PCP4: variants seen among roughly 807,000 people sequenced by gnomAD.
PCP4 encodes calmodulin regulator protein PCP4.
Under a neutral mutation model 10.0 loss-of-function variants are expected in PCP4, and 8 were observed. That is an observed-to-expected ratio of 0.80 (90% confidence interval 0.47 to 1.45). The LOEUF is 1.45. PCP4 is among the 40% of genes most tolerant of loss of function. The pLI is 0.00. For missense variants in PCP4, 54 were observed against 74.4 expected (o/e 0.73, Z 1.01); for synonymous variants, 21 against 23.0 (o/e 0.91, Z 0.24).
intron 1 of PCP4, among the ~76,000 whole-genome samples, chr21:39,887,725 GT>G (rs2087407385): frequency 6.6e-6 from 1 of 152,150 alleles, no homozygotes; most frequent in South Asian, 2.1e-4. Flanking sequence ...TTGCTTCTCT[GT>G]TCATTCAAAG....
chr21:39,926,979 C>T (rs1182920075), intron 2 of PCP4, among the ~76,000 whole-genome samples: 1 of 152,208 alleles, frequency 6.6e-6, no homozygotes, highest in Non-Finnish European at 1.5e-5. Flanking sequence ...GTGCACTCAA[C>T]ATCTCTGCTT....
chr21:39,908,323 C>T (rs1286138690), intron 2 of PCP4, among the ~76,000 whole-genome samples: 1 of 152,122 alleles, frequency 6.6e-6, no homozygotes, highest in Non-Finnish European at 1.5e-5. Flanking sequence ...CATCCCTCCT[C>T]AGGTGTCATT....
At chr21:39,905,313 C>A (rs148552632) in intron 2 of PCP4, among the ~76,000 whole-genome samples, 1 of 152,046 alleles carries the variant, frequency 6.6e-6, no homozygotes, top group Middle Eastern at 3.4e-3. Context: ...TTTGTGCTTT[C>A]GGCTCCAAAC....
chr21:39,873,416 AAAAT>A (rs2087329910), intron 1 of PCP4, among the ~76,000 whole-genome samples: 3 of 152,198 alleles, frequency 2.0e-5, no homozygotes, highest in Non-Finnish European at 4.4e-5. Flanking sequence ...AATATTAATT[AAAAT>A]AAATAATTGA....
intron 2 of PCP4, among the ~76,000 whole-genome samples, chr21:39,907,502 AG>A (rs1673239619): frequency 6.6e-6 from 1 of 152,308 alleles, no homozygotes; most frequent in East Asian, 1.9e-4. Flanking sequence ...AGAGACTAGT[AG>A]GTTGCTAGAA....
chr21:39,916,995 T>C (rs907847066), intron 2 of PCP4, among the ~76,000 whole-genome samples: 2 of 152,158 alleles, frequency 1.3e-5, no homozygotes, highest in African/African-American at 2.4e-5. Flanking sequence ...GCTTAATACC[T>C]AGGCGATGGG....
intron 1 of PCP4, among the ~76,000 whole-genome samples, chr21:39,897,243 C>A (rs975076920): frequency 3.9e-5 from 6 of 151,922 alleles, no homozygotes; most frequent in African/African-American, 1.5e-4. Context: ...CAAAAATTAG[C>A]CGGGGGTGGT....
At chr21:39,898,300 C>T (rs1199628681) in intron 1 of PCP4, 176 bp from the exon 2 acceptor site, 15 of 709,518 alleles carry the variant, frequency 2.1e-5, no homozygotes, top group Non-Finnish European at 3.8e-5. Flanking sequence ...AGCTTCAGTA[C>T]ATCCTTTCTT....
At position 39,898,480 on chromosome 21, in the gene PCP4, A is replaced by G; in HGVS notation, c.14A>G (p.Gln5Arg). 2.5e-6 allele frequency: 4 copies of G among 1,613,820 alleles called. No homozygotes were observed. Among genetic ancestry groups the G allele is most frequent in the Non-Finnish European group, 3.4e-6 (4 of 1,179,732 alleles). ...TCTTTTATTTTTTGCCTTTAGCGAC[A>G]AGGTGCTGGGGCAACCAATGGAAAA... MSER[Q>R]GAGATNGKDK... The change falls in exon 2 of 3, where the codon CAA (glutamine) becomes CGA (arginine). Residue 5 changes from glutamine to arginine, a missense_variant. Coordinates refer to ENST00000328619, the MANE Select transcript of PCP4 (RefSeq NM_006198.3).
rs1384559700 is a variant in PCP4 at position 39,906,222 on chromosome 21, CTATT to C, written c.61+7698_61+7701del. Among the ~76,000 whole-genome samples the C allele has an allele frequency of 2.0e-5, 3 of 152,246 alleles. No homozygotes were observed. Among genetic ancestry groups the C allele is most frequent in the African/African-American group, 4.8e-5 (2 of 41,464 alleles). On this transcript the variant is annotated intron_variant, in intron 2 of 2. Transcript: ENST00000328619. This position sits in a 1 kb window ranked among gnomAD's most constrained non-coding sequence, Gnocchi z 6.3. ...ACAGTCCAAACACACCAGGTTGTCT[CTATT>C]TACACTTTCTCCTGACTTCCCTCTT...
In PCP4 at chr21:39,900,781, C is replaced by T. The variant is rs76499842; in HGVS notation, c.61+2254C>T. On this transcript the variant is annotated intron_variant, in intron 2 of 2. Coordinates refer to ENST00000328619, the MANE Select transcript of PCP4 (RefSeq NM_006198.3). ...CTCCCAGATTCCTTAGCTCGGAACT[C>T]GACTCCAAGCACACATTCTTCTTAG... Among the ~76,000 whole-genome samples, 169 of 152,120 alleles carry T rather than the reference C, an allele frequency of 1.1e-3. 2 individuals carry two copies. Among genetic ancestry groups the T allele is most frequent in the African/African-American group, 3.8e-3 (159 of 41,502 alleles).
intron 2 of PCP4, among the ~76,000 whole-genome samples, chr21:39,908,515 G>T (rs1189378240): frequency 2.0e-5 from 3 of 152,196 alleles, no homozygotes; most frequent in Non-Finnish European, 2.9e-5. Flanking sequence ...GTAAGCTGGG[G>T]TTTGTCAGAC....
At chr21:39,908,704 G>A (rs959039954) in intron 2 of PCP4, among the ~76,000 whole-genome samples, 1 of 152,040 alleles carries the variant, frequency 6.6e-6, no homozygotes, top group African/African-American at 2.4e-5. Context: ...GGGAGTGCCC[G>A]CGGCTCCAGG....
At chr21:39,889,972 G>C (rs895231653) in intron 1 of PCP4, among the ~76,000 whole-genome samples, 2 of 152,144 alleles carry the variant, frequency 1.3e-5, no homozygotes. Context: ...CTCGTGTTCT[G>C]GGTTATGATA....
intron 2 of PCP4, among the ~76,000 whole-genome samples, chr21:39,917,180 C>T (rs541734715): frequency 7.9e-5 from 12 of 152,320 alleles, no homozygotes; most frequent in East Asian, 1.9e-4. Context: ...AGATATTTAG[C>T]GACACGATAG....
rs532015774 is a variant in PCP4, at chr21:39,877,507, C to T, written c.9+9997C>T. ...TTAGAGACCAGCCTGGGCAACATGG[C>T]GAAACCCCGTCTCTACCAAAAATTA... On this transcript the variant is annotated intron_variant, in intron 1 of 2. Coordinates refer to ENST00000328619, the MANE Select transcript of PCP4 (RefSeq NM_006198.3). Among the ~76,000 whole-genome samples the T allele has an allele frequency of 8.9e-4, 134 of 150,206 alleles. 1 individual carries two copies. Among genetic ancestry groups the T allele is most frequent in the African/African-American group, 3.0e-3 (122 of 40,660 alleles).
At chr21:39,870,307 A>G (rs934378219) in intron 1 of PCP4, among the ~76,000 whole-genome samples, 1 of 152,210 alleles carries the variant, frequency 6.6e-6, no homozygotes, top group East Asian at 1.9e-4. Context: ...TGTGAGAGAG[A>G]GGAGGTGGTT....
At chr21:39,899,748 G>A (rs1281662815) in intron 2 of PCP4, among the ~76,000 whole-genome samples, 1 of 152,182 alleles carries the variant, frequency 6.6e-6, no homozygotes, top group Non-Finnish European at 1.5e-5. Context: ...CCTGTCTCCT[G>A]TGTGTGAGTT....
At chr21:39,890,507 C>T (rs2087424667) in intron 1 of PCP4, among the ~76,000 whole-genome samples, 1 of 148,868 alleles carries the variant, frequency 6.7e-6, no homozygotes, top group South Asian at 2.2e-4. Context: ...AGGCATTTGC[C>T]ACCCCACCCA....
Sources: gnomAD v4.1 joint callset for allele counts (sites outside exome capture counted in the v4.1 genomes callset) on GRCh38, gnomAD v4.1.1 for gene constraint, Gnocchi (gnomAD v3.1) non-coding constraint, MANE v1.5 for transcripts, NCBI Gene and HGNC (gene_info 2026-07-23, HGNC 2026-07-21) for gene names.